Variants in CR2 observed in about 807,000 individuals in gnomAD.
CR2 encodes complement receptor type 2.
Under a neutral mutation model 123.0 loss-of-function variants are expected in CR2, and 96 were observed. That is an observed-to-expected ratio of 0.78 (90% CI 0.66 to 0.93). The LOEUF is 0.93. CR2 is among the 40% of genes least tolerant of loss of function. CR2 has a pLI of 0.00. For missense variants in CR2, 1,258 were observed against 1,361.0 expected, an observed-to-expected ratio of 0.92 and a Z score of 1.19; for synonymous variants, 484 against 469.5, an observed-to-expected ratio of 1.03 and a Z score of -0.40.
At position 207,488,047 on chromosome 1, in the gene CR2, A is replaced by G. The variant is rs1042760597; in HGVS notation, c.*19-1095A>G. Among the ~76,000 whole-genome samples the G allele has an allele frequency of 1.1e-4, 17 of 152,338 alleles. No homozygotes were observed. In the East Asian group the frequency reaches 1.4e-3, roughly 12 times the overall value. Reference sequence around the variant, plus strand: ...AAGACTGAATTATAGGGAGTACAGAAAGGCCGACAGGCCACATGAGATGTG... The same window carrying G: ...AAGACTGAATTATAGGGAGTACAGAGAGGCCGACAGGCCACATGAGATGTG... On this transcript the variant is annotated intron_variant, in intron 19 of 19. Transcript: ENST00000367057.
intron 1 of CR2, among the ~76,000 whole-genome samples, chr1:207,456,620 G>A (rs565803878): frequency 1.3e-5 from 2 of 152,118 alleles, no homozygotes; most frequent in African/African-American, 4.8e-5. Context: ...GCCTTCAGTG[G>A]CCACCTAACT....
At chr1:207,467,911 A>G (rs1415200481) in intron 2 of CR2, among the ~76,000 whole-genome samples, 3 of 152,254 alleles carry the variant, frequency 2.0e-5, no homozygotes, top group Non-Finnish European at 4.4e-5. Flanking sequence ...GGATCCCAAT[A>G]AACTATATTG....
intron 1 of CR2, among the ~76,000 whole-genome samples, chr1:207,462,758 A>G (rs1236559185): frequency 6.6e-6 from 1 of 152,182 alleles, no homozygotes; most frequent in Non-Finnish European, 1.5e-5. Context: ...AGAGTAGAGG[A>G]TGAGTTAGAG....
chr1:207,454,794 T>G lies in CR2; in HGVS notation c.58+318T>G. On this transcript the variant is annotated intron_variant, in intron 1 of 19. Coordinates refer to ENST00000367057, the MANE Select transcript of CR2 (RefSeq NM_001006658.3). This position sits in a 1 kb window ranked among gnomAD's most constrained non-coding sequence, Gnocchi z 4.3. ...CTCCCCGCCCCCAGGATTCTGCAGG[T>G]GCTCATCGCTCTCTGGCCGGCGGTC... The G allele has an allele frequency of 3.0e-6, 1 of 336,502 alleles. No homozygotes were observed. Among genetic ancestry groups the G allele is most frequent in the Admixed American group, 4.5e-5 (1 of 22,124 alleles). 20.8% of individuals were successfully genotyped at this position (336,502 alleles called of 1,614,324 possible). A position where few individuals can be genotyped will look rare whatever the true frequency, so the allele number is the denominator to read the frequency against.
At chr1:207,487,196 G>T (rs1251823620) in intron 19 of CR2, among the ~76,000 whole-genome samples, 1 of 152,180 alleles carries the variant, frequency 6.6e-6, no homozygotes, top group Non-Finnish European at 1.5e-5. Context: ...AGAATTTTAG[G>T]GAGGAGGGAG....
rs59735642 is a variant in CR2 at position 207,458,059 on chromosome 1, A to AACACACACACACACACAC, written c.58+3606_58+3623dup. On this transcript the variant is annotated intron_variant, in intron 1 of 19. Coordinates refer to ENST00000367057, the MANE Select transcript of CR2 (RefSeq NM_001006658.3). The stretch of plus-strand genomic sequence containing the variant: ...ACACAATTCCCTACCTCAAGGCCAC[A>AACACACACACACACACAC]ACACACACACACACACACACACACA... Among the ~76,000 whole-genome samples, 358 of 122,644 alleles carry AACACACACACACACACAC rather than the reference A, an allele frequency of 2.9e-3. 4 individuals are homozygous for AACACACACACACACACAC. Among genetic ancestry groups the AACACACACACACACACAC allele is most frequent in the East Asian group, 3.7e-3 (15 of 4,040 alleles). 80.5% of individuals were successfully genotyped at this position (122,644 alleles called of 152,430 possible).
chr1:207,456,282 T>C (rs1415646167), intron 1 of CR2, among the ~76,000 whole-genome samples: 1 of 152,140 alleles, frequency 6.6e-6, no homozygotes, highest in Admixed American at 6.5e-5. Flanking sequence ...TCTCCACTGC[T>C]AACTTTTACT....
intron 1 of CR2, 137 bp from the exon 2 acceptor site, chr1:207,466,389 G>T: frequency 1.0e-6 from 1 of 989,782 alleles, no homozygotes; most frequent in Non-Finnish European, 1.5e-6. Context: ...GGAGTAAGCA[G>T]GGAATAAATA....
Position 207,454,348 on chromosome 1 carries a change from T to A in CR2, c.-71T>A, listed in dbSNP as rs3813946. 1 of 1,339,092 alleles carries A rather than the reference T, an allele frequency of 7.5e-7. No homozygotes were observed. Among genetic ancestry groups the A allele is most frequent in the African/African-American group, 1.4e-5 (1 of 69,462 alleles). 83.0% of individuals were successfully genotyped at this position (1,339,092 alleles called of 1,614,324 possible). On this transcript the variant is annotated 5_prime_UTR_variant, in exon 1 of 20. The change creates a new upstream start codon in the 5' untranslated region. Transcript: ENST00000367057. This position sits in a 1 kb window ranked among gnomAD's most constrained non-coding sequence, Gnocchi z 4.3. Reference sequence around the variant, plus strand: ...CTCACAGCTGCTTGCTGCTCCAGCCTTGCCCTCCCAGAGCTGCCGGACGCT... The same window carrying A: ...CTCACAGCTGCTTGCTGCTCCAGCCATGCCCTCCCAGAGCTGCCGGACGCT...
At chr1:207,487,407 C>T (rs919294143) in intron 19 of CR2, among the ~76,000 whole-genome samples, 2 of 152,184 alleles carry the variant, frequency 1.3e-5, no homozygotes, top group Non-Finnish European at 2.9e-5. Flanking sequence ...ATGCCTCAGT[C>T]TCCTGAGTAG....
intron 16 of CR2, among the ~76,000 whole-genome samples, chr1:207,478,545 A>G (rs1658509724): frequency 7.0e-6 from 1 of 142,840 alleles, no homozygotes; most frequent in African/African-American, 2.7e-5. Flanking sequence ...AAAAAAAAAA[A>G]AAGAAAGAAA....
At chr1:207,470,594 C>T (rs1658238706) in intron 6 of CR2, 146 bp from the exon 7 acceptor site, 2 of 764,414 alleles carry the variant, frequency 2.6e-6, no homozygotes, top group South Asian at 3.3e-5. Flanking sequence ...TCTAAAATTA[C>T]CCAAAGCTGG....
At chr1:207,471,639 A>G in intron 9 of CR2, 140 bp downstream of exon 9, 1 of 706,102 alleles carries the variant, frequency 1.4e-6, no homozygotes. Flanking sequence ...ATGGTTGCAC[A>G]GTTTTACCAT....
chr1:207,477,384 C>T (rs1485832065), intron 15 of CR2, among the ~76,000 whole-genome samples: 1 of 152,136 alleles, frequency 6.6e-6, no homozygotes, highest in Non-Finnish European at 1.5e-5. Flanking sequence ...CTCACCAGGT[C>T]CCTCCCATGG....
Position 207,480,648 on chromosome 1 carries a change from A to C in CR2, c.3188+595A>C, listed in dbSNP as rs144567151. On this transcript the variant is annotated intron_variant, in intron 18 of 19. Coordinates refer to ENST00000367057, the MANE Select transcript of CR2 (RefSeq NM_001006658.3). ...TAGAATTACTAAAGATAAGTGCATG[A>C]GCATTTAATATACTTGATAACTATT... 6.3e-3 allele frequency among the ~76,000 whole-genome samples: 958 copies of C among 152,260 alleles called. 22 individuals carry two copies. Among genetic ancestry groups the C allele is most frequent in the Admixed American group, 0.048 (741 of 15,286 alleles).
At chr1:207,480,128 G>A (rs962677681) in intron 18 of CR2, 75 bp downstream of exon 18, 66 of 1,035,472 alleles carry the variant, frequency 6.4e-5, no homozygotes, top group African/African-American at 1.1e-4. Context: ...ACTAAACACA[G>A]AAGCACAAGT....
chr1:207,482,853 T>A (rs1452241196), intron 18 of CR2, among the ~76,000 whole-genome samples: 2 of 151,950 alleles, frequency 1.3e-5, no homozygotes, highest in African/African-American at 4.8e-5. Context: ...TTCCATCATG[T>A]GTTGTGAGAA....
chr1:207,471,062 G>A lies in CR2; in HGVS notation c.1468G>A (p.Asp490Asn). 6.2e-7 allele frequency: 1 copy of A among 1,613,692 alleles called. No individual in the cohort carries two copies. The highest frequency in any genetic ancestry group is 8.5e-7 in the Non-Finnish European group (1 of 1,179,822). Residue 490 changes from aspartate (D) to asparagine (N), a missense_variant, in exon 8 of 20, where the codon GAT becomes AAT. Asp to Asn is a conservative substitution (Grantham distance 23). Transcript: ENST00000367057. ...TKPQHQFVRP[D>N]VNSSCGEGYK... ...ACCCCAGCACCAATTTGTTAGACCA[G>A]ATGTCAACTCTTCTTGTGGTGAAGG...
rs1276366384 is a variant in CR2 at position 207,463,959 on chromosome 1, A to G, written c.59-2567A>G. 2.0e-5 allele frequency among the ~76,000 whole-genome samples: 3 copies of G among 152,186 alleles called. No homozygotes were observed. The East Asian group carries it at 5.8e-4, about 29-fold the overall frequency. Reference sequence around the variant, plus strand: ...TTGGTTTGAGTAGCTCTAGGCACACAGCTATGACTTACCCATCTTCCTCAT... The same window carrying G: ...TTGGTTTGAGTAGCTCTAGGCACACGGCTATGACTTACCCATCTTCCTCAT... On this transcript the variant is annotated intron_variant, in intron 1 of 19. Coordinates refer to ENST00000367057, the MANE Select transcript of CR2 (RefSeq NM_001006658.3).
Sources: gnomAD v4.1 joint callset for allele counts (sites outside exome capture counted in the v4.1 genomes callset) on GRCh38, gnomAD v4.1.1 for gene constraint, Gnocchi (gnomAD v3.1) non-coding constraint, MANE v1.5 for transcripts, NCBI Gene and HGNC (gene_info 2026-07-23, HGNC 2026-07-21) for gene names.